NUBPL: variants seen among roughly 807,000 people sequenced by gnomAD.
The protein encoded by NUBPL is iron-sulfur cluster transfer protein NUBPL.
Under a neutral mutation model 45.7 loss-of-function variants are expected in NUBPL, and 31 were observed. That is an observed-to-expected ratio of 0.68 (90% confidence interval 0.51 to 0.92). NUBPL has a LOEUF of 0.92. Among genes scored for constraint, NUBPL ranks in the 40% least tolerant of loss-of-function variants. The probability of loss-of-function intolerance (pLI) is 0.00; values close to 1 mark genes in which losing one functional copy is unlikely to be tolerated. For synonymous variants in NUBPL, 144 were observed against 140.9 expected, an observed-to-expected ratio of 1.02 and a Z score of -0.15; for missense variants, 401 against 398.7, an observed-to-expected ratio of 1.01 and a Z score of -0.05.
intron 6 of NUBPL, among the ~76,000 whole-genome samples, chr14:31,727,254 TA>T (rs1272070899): frequency 6.6e-6 from 1 of 152,246 alleles, no homozygotes; most frequent in Non-Finnish European, 1.5e-5. Context: ...TACGTATTTC[TA>T]ATTTGTTTTG....
At chr14:31,710,019 C>T (rs1217997790) in intron 6 of NUBPL, among the ~76,000 whole-genome samples, 1 of 152,166 alleles carries the variant, frequency 6.6e-6, no homozygotes, top group Non-Finnish European at 1.5e-5. Flanking sequence ...CATTTGCCTT[C>T]CCTCTTACAG....
intron 8 of NUBPL, among the ~76,000 whole-genome samples, chr14:31,835,098 A>T (rs1440033160): frequency 6.6e-6 from 1 of 152,162 alleles, no homozygotes; most frequent in Non-Finnish European, 1.5e-5. Flanking sequence ...ACAGTTAAGG[A>T]GGTATCATGT....
intron 4 of NUBPL, among the ~76,000 whole-genome samples, chr14:31,606,493 C>T (rs898342069): frequency 2.6e-5 from 4 of 152,128 alleles, no homozygotes; most frequent in Non-Finnish European, 5.9e-5. Flanking sequence ...GAGAAGAGAT[C>T]TAGGGGTGTT....
At chr14:31,666,228 G>GATAT (rs1220296192) in intron 4 of NUBPL, among the ~76,000 whole-genome samples, 2 of 26,686 alleles carry the variant, frequency 7.5e-5, no homozygotes, top group African/African-American at 2.1e-4. Flanking sequence ...TTATATTTAA[G>GATAT]ATATATATAT....
intron 10 of NUBPL, among the ~76,000 whole-genome samples, chr14:31,852,587 C>T (rs758799059): frequency 1.1e-4 from 17 of 152,290 alleles, no homozygotes; most frequent in Admixed American, 2.6e-4. Flanking sequence ...AGGAGAATCA[C>T]TTCATCCTGG....
At chr14:31,659,146 A>C (rs2036210447) in intron 4 of NUBPL, among the ~76,000 whole-genome samples, 1 of 152,218 alleles carries the variant, frequency 6.6e-6, no homozygotes, top group Non-Finnish European at 1.5e-5. Context: ...GGCTGTTGTA[A>C]GGATTCAGTG....
chr14:31,752,950 A>G (rs910303124), intron 6 of NUBPL, among the ~76,000 whole-genome samples: 1 of 152,216 alleles, frequency 6.6e-6, no homozygotes, highest in Non-Finnish European at 1.5e-5. Context: ...GGGAAGTGCC[A>G]CTTTTTAACC....
intron 4 of NUBPL, among the ~76,000 whole-genome samples, chr14:31,611,165 T>A (rs2034746646): frequency 6.6e-6 from 1 of 152,172 alleles, no homozygotes; most frequent in Admixed American, 6.5e-5. Context: ...TGCTTTAATG[T>A]TATATTTGGA....
At chr14:31,848,219 T>G (rs1036723565) in intron 9 of NUBPL, among the ~76,000 whole-genome samples, 1 of 152,298 alleles carries the variant, frequency 6.6e-6, no homozygotes, top group African/African-American at 2.4e-5. Flanking sequence ...GAAAAATCAT[T>G]TAGAATTCCT....
At chr14:31,790,045 C>A (rs1229038596) in intron 7 of NUBPL, among the ~76,000 whole-genome samples, 1 of 151,930 alleles carries the variant, frequency 6.6e-6, no homozygotes, top group Non-Finnish European at 1.5e-5. Context: ...TGCAAGCATA[C>A]AAAATACTTG....
chr14:31,725,997 A>G (rs1347999287), intron 6 of NUBPL, among the ~76,000 whole-genome samples: 1 of 152,146 alleles, frequency 6.6e-6, no homozygotes, highest in Non-Finnish European at 1.5e-5. Context: ...GGTGTGAGCC[A>G]CCGTGCCTGG....
chr14:31,733,774 T>C (rs1482542951), intron 6 of NUBPL, among the ~76,000 whole-genome samples: 2 of 152,204 alleles, frequency 1.3e-5, no homozygotes, highest in African/African-American at 4.8e-5. Context: ...TTTTCTTGCC[T>C]TAGTGCACTG....
intron 4 of NUBPL, among the ~76,000 whole-genome samples, chr14:31,601,485 G>A (rs1168441274): frequency 2.0e-5 from 3 of 151,954 alleles, no homozygotes; most frequent in Non-Finnish European, 2.9e-5. Context: ...CTTGTAAGTT[G>A]GATTCCTAGG....
chr14:31,588,148 A>G (rs2034042726), intron 3 of NUBPL, among the ~76,000 whole-genome samples: 1 of 152,118 alleles, frequency 6.6e-6, no homozygotes, highest in African/African-American at 2.4e-5. Context: ...TTCTTATCCC[A>G]TTTTCTGCAC....
rs554414788 is a variant in NUBPL, at chr14:31,826,646, A to T, written c.625A>T (p.Thr209Ser). ...TTGGCTAGGTGCTGTGATTGTCTCCACGCCCCAGGACATCGCATTGATGGA... is the reference window on the plus strand; with the variant it reads ...TTGGCTAGGTGCTGTGATTGTCTCCTCGCCCCAGGACATCGCATTGATGGA... ...IPITGAVIVS[T>S]PQDIALMDAH... The change falls in exon 8 of 11, where the codon ACG becomes TCG. Residue 209 changes from threonine to serine, a missense_variant. Physicochemically the swap from Thr to Ser is moderately conservative, Grantham distance 58 (BLOSUM62 1). Coordinates refer to ENST00000281081, the MANE Select transcript of NUBPL (RefSeq NM_025152.3). 1.1e-5 allele frequency: 18 copies of T among 1,614,108 alleles called. No individual in the cohort carries two copies. The South Asian group carries it at 1.9e-4, about 17-fold the overall frequency.
intron 9 of NUBPL, among the ~76,000 whole-genome samples, chr14:31,849,883 T>A (rs2040510508): frequency 6.6e-6 from 1 of 152,234 alleles, no homozygotes; most frequent in Non-Finnish European, 1.5e-5. Context: ...CATACCTTGA[T>A]GTGGTGCCAC....
At chr14:31,614,850 G>GT (rs2034854349) in intron 4 of NUBPL, among the ~76,000 whole-genome samples, 1 of 152,234 alleles carries the variant, frequency 6.6e-6, no homozygotes, top group South Asian at 2.1e-4. Context: ...AAATATAAGT[G>GT]TTTTTGTGTG....
At chr14:31,604,179 G>T (rs1276571564) in intron 4 of NUBPL, among the ~76,000 whole-genome samples, 1 of 121,964 alleles carries the variant, frequency 8.2e-6, no homozygotes, top group African/African-American at 3.3e-5. Flanking sequence ...TGGAAAGGCT[G>T]AAAAAAAAAA....
chr14:31,746,956 G>C (rs948759513), intron 6 of NUBPL, among the ~76,000 whole-genome samples: 18 of 150,962 alleles, frequency 1.2e-4, no homozygotes, highest in Non-Finnish European at 2.4e-4. Flanking sequence ...TATAGTTCCA[G>C]CTACTTGAGG....
Sources: allele counts gnomAD v4.1 joint callset (sites outside exome capture counted in the v4.1 genomes callset), GRCh38; gene constraint gnomAD v4.1.1; transcripts MANE v1.5; gene names NCBI Gene and HGNC (gene_info 2026-07-23, HGNC 2026-07-21).